Variants in WTIP observed in about 807,000 individuals in gnomAD.
WTIP encodes WT1 interacting protein.
WTIP carries 23 observed loss-of-function variants against 41.7 expected under a neutral mutation model. That is an observed-to-expected ratio of 0.55 (90% CI 0.40 to 0.78). The LOEUF is 0.78. Among genes scored for constraint, WTIP ranks in the 30% least tolerant of loss-of-function variants. The pLI is 0.00. For synonymous variants in WTIP, 314 were observed against 269.9 expected (o/e 1.16, Z -1.60); for missense variants, 619 against 610.5 (o/e 1.01, Z -0.15).
chr19:34,491,789 C>T (rs577017622), intron 2 of WTIP, among the ~76,000 whole-genome samples: 3 of 151,854 alleles, frequency 2.0e-5, no homozygotes, highest in East Asian at 1.9e-4. Context: ...GGACTATAGG[C>T]GCGCAACACC....
rs971174226 is a variant in WTIP at position 34,501,797 on chromosome 19, A to T, written c.*1528A>T. On this transcript the variant is annotated 3_prime_UTR_variant, in exon 8 of 8. Coordinates refer to ENST00000590071, the MANE Select transcript of WTIP (RefSeq NM_001080436.2). ...GTCAGGGAGCCTTAGCCAGGGACTT[A>T]CACAGCGTGGAGAGCGCTGCATCTT... The T allele has an allele frequency of 1.3e-5, 2 of 152,506 alleles. No individual in the cohort carries two copies. The highest frequency in any genetic ancestry group is 4.8e-5 in the African/African-American group (2 of 41,436). The allele number at this position is 152,506 out of a possible 1,614,324, so 9.4% of individuals were successfully genotyped here.
chr19:34,490,489 C>T lies in WTIP; in HGVS notation c.769+12C>T, dbSNP rs746144778. ...CTGCGACTCGTGTGGTAGGTAACCT[C>T]GTGCCCTGGGTAGCTCTGTGAAGGG... On this transcript the variant is annotated intron_variant, in intron 2 of 7. Transcript: ENST00000590071. The T allele has an allele frequency of 2.3e-5, 37 of 1,612,490 alleles. No homozygotes were observed. Among genetic ancestry groups the T allele is most frequent in the Non-Finnish European group, 2.7e-5 (32 of 1,178,734 alleles).
intron 7 of WTIP, among the ~76,000 whole-genome samples, chr19:34,499,546 A>G (rs549417592): frequency 6.6e-6 from 1 of 152,060 alleles, no homozygotes; most frequent in Admixed American, 6.5e-5. Context: ...CACCCAAACC[A>G]TCAGGTTTTT....
chr19:34,491,202 T>G (rs1373468277), intron 2 of WTIP, among the ~76,000 whole-genome samples: 1 of 152,024 alleles, frequency 6.6e-6, no homozygotes, highest in African/African-American at 2.4e-5. Flanking sequence ...GACAAAGTTA[T>G]AAAAAGAAAA....
chr19:34,482,300 G>A lies in WTIP; in HGVS notation c.326G>A (p.Gly109Asp). ...GGTGGCGGCAGCGCCCGATCCAGCG[G>A]CATCAGCCTGGGCTACGACCAGCGC... The part of the protein sequence containing the change: ...GGGGGSARSS[G>D]ISLGYDQRHG... Residue 109 changes from glycine to aspartate, a missense_variant, in exon 1 of 8, where the codon GGC (glycine) becomes GAC (aspartate). Gly to Asp is a moderately conservative substitution (Grantham distance 94). Transcript: ENST00000590071. 1.5e-6 allele frequency: 2 copies of A among 1,365,622 alleles called. No individual in the cohort carries two copies. The highest frequency in any genetic ancestry group is 1.9e-6 in the Non-Finnish European group (2 of 1,051,444). 84.6% of individuals were successfully genotyped at this position (1,365,622 alleles called of 1,614,324 possible). A position where few individuals can be genotyped will look rare whatever the true frequency, so the allele number is the denominator to read the frequency against.
At chr19:34,483,276 G>A (rs1330202082) in intron 1 of WTIP, among the ~76,000 whole-genome samples, 1 of 148,444 alleles carries the variant, frequency 6.7e-6, no homozygotes, top group Admixed American at 6.9e-5. Flanking sequence ...CGCCCTCCTC[G>A]GCCTCCCAAG....
intron 2 of WTIP, among the ~76,000 whole-genome samples, chr19:34,491,386 T>C (rs1177381078): frequency 6.6e-6 from 1 of 152,014 alleles, no homozygotes; most frequent in African/African-American, 2.4e-5. Context: ...TGTAGTGGTG[T>C]GATCTCAGCT....
chr19:34,506,534 G>C lies in WTIP; in HGVS notation c.*6265G>C, dbSNP rs2075911964. The C allele has an allele frequency of 6.7e-6, 1 of 150,330 alleles. No homozygotes were observed. Among genetic ancestry groups the C allele is most frequent in the African/African-American group, 2.4e-5 (1 of 40,848 alleles). 9.3% of individuals were successfully genotyped at this position (150,330 alleles called of 1,614,324 possible). A position where few individuals can be genotyped will look rare whatever the true frequency, so the allele number is the denominator to read the frequency against. On this transcript the variant is annotated 3_prime_UTR_variant, in exon 8 of 8. Coordinates refer to ENST00000590071, the MANE Select transcript of WTIP (RefSeq NM_001080436.2). ...CACTTTGGGAGGCCGTGGCGGATAG[G>C]TCACTTGAGGTCAGGAGTTCGAGAC...
At position 34,482,182 on chromosome 19, in the gene WTIP, G is replaced by A. The variant is rs150721734; in HGVS notation, c.208G>A (p.Glu70Lys). ...CGGGGCGGACGGACTGAGCCGCGGG[G>A]AGCGGGGTCCCCGGCGCGCGGCGGT... ...EAGADGLSRG[E>K]RGPRRAAVPE... The change falls in exon 1 of 8, where the codon GAG (glutamate) becomes AAG (lysine). Residue 70 changes from glutamate to lysine, a missense_variant. By Grantham distance (56) the Glu-to-Lys change is moderately conservative (BLOSUM62 1). Transcript: ENST00000590071. The A allele has an allele frequency of 0.065, 71,357 of 1,098,168 alleles. 2,545 individuals are homozygous for A. The highest frequency in any genetic ancestry group is 0.12 in the South Asian group (2,706 of 23,254). 68.0% of individuals were successfully genotyped at this position (1,098,168 alleles called of 1,614,324 possible).
chr19:34,485,527 G>A (rs1268539590), intron 1 of WTIP, among the ~76,000 whole-genome samples: 1 of 152,140 alleles, frequency 6.6e-6, no homozygotes, highest in Admixed American at 6.6e-5. Flanking sequence ...AAAATCTGCA[G>A]GTAGCATAAG....
chr19:34,494,766 C>A, intron 6 of WTIP, 129 bp downstream of exon 6: 1 of 917,900 alleles, frequency 1.1e-6, no homozygotes, highest in Non-Finnish European at 1.6e-6. Context: ...GCAGATCTTT[C>A]AGGGCTGAGG....
At chr19:34,491,361 A>G (rs1443753539) in intron 2 of WTIP, among the ~76,000 whole-genome samples, 3 of 151,078 alleles carry the variant, frequency 2.0e-5, no homozygotes, top group African/African-American at 7.3e-5. Context: ...GTCTCGCTCT[A>G]TTGCCAGACT....
chr19:34,500,358 C>A lies in WTIP; in HGVS notation c.*89C>A. ...GGCCCTGGTCAGCGTCAGGGGAGCT[C>A]CCTCCAATCAGTTTCCCACCGAGCT... On this transcript the variant is annotated 3_prime_UTR_variant, in exon 8 of 8. Transcript: ENST00000590071. 7.1e-7 allele frequency: 1 copy of A among 1,405,350 alleles called. No homozygotes were observed. The allele number at this position is 1,405,350 out of a possible 1,614,324, so 87.1% of individuals were successfully genotyped here.
rs1599973573 is a variant in WTIP at position 34,506,724 on chromosome 19, C to A, written c.*6455C>A. On this transcript the variant is annotated 3_prime_UTR_variant, in exon 8 of 8. Coordinates refer to ENST00000590071, the MANE Select transcript of WTIP (RefSeq NM_001080436.2). ...GCAGTGAGCCGAGTTCACACCACTG[C>A]ACTCCAGCCTGGGTGACAGAGCTAG... 1 of 151,946 alleles carries A rather than the reference C, an allele frequency of 6.6e-6. No individual in the cohort carries two copies. The highest frequency in any genetic ancestry group is 1.5e-5 in the Non-Finnish European group (1 of 68,012). The allele number at this position is 151,946 out of a possible 1,614,324, so 9.4% of individuals were successfully genotyped here. A position where few individuals can be genotyped will look rare whatever the true frequency, so the allele number is the denominator to read the frequency against.
chr19:34,482,366 G>A lies in WTIP; in HGVS notation c.392G>A (p.Gly131Asp), dbSNP rs1681627000. ...TCCGGTCGCTCGGACCCGCGTCCCGGTCCCGGGCCGCCTTCGGTGGGCAGC... is the reference window on the plus strand; with the variant it reads ...TCCGGTCGCTCGGACCCGCGTCCCGATCCCGGGCCGCCTTCGGTGGGCAGC... ...PRSGRSDPRP[G>D]PGPPSVGSAR... Residue 131 changes from glycine to aspartate, a missense_variant, in exon 1 of 8, where the codon GGT (glycine) becomes GAT (aspartate). Gly to Asp is a moderately conservative substitution (Grantham distance 94). This residue lies in a region of WTIP where 363 missense variants were observed against 309.0 expected (regional missense o/e 1.17). Transcript: ENST00000590071. 1.5e-6 allele frequency: 2 copies of A among 1,376,130 alleles called. No homozygotes were observed. Among genetic ancestry groups the A allele is most frequent in the South Asian group, 1.5e-5 (1 of 68,208 alleles). 85.2% of individuals were successfully genotyped at this position (1,376,130 alleles called of 1,614,324 possible).
At chr19:34,489,197 TAAAAAAAAA>T (rs57433723) in intron 1 of WTIP, among the ~76,000 whole-genome samples, 2 of 61,964 alleles carry the variant, frequency 3.2e-5, no homozygotes, top group African/African-American at 1.5e-4. Context: ...AGACTCTATC[TAAAAAAAAA>T]AAAAAAAAAA....
Position 34,503,312 on chromosome 19 carries a change from C to T in WTIP, c.*3043C>T, listed in dbSNP as rs1004096090. 1 of 136,074 alleles carries T rather than the reference C, an allele frequency of 7.3e-6. No homozygotes were observed. Among genetic ancestry groups the T allele is most frequent in the East Asian group, 2.4e-4 (1 of 4,102 alleles). 8.4% of individuals were successfully genotyped at this position (136,074 alleles called of 1,614,324 possible). On this transcript the variant is annotated 3_prime_UTR_variant, in exon 8 of 8. Transcript: ENST00000590071. ...GGCAGTTCCCTCCGTGGGAGCCACT[C>T]TCCCGGGGTTTCTTCCTCTATGAAG... is the stretch of plus-strand genomic sequence containing the variant.
chr19:34,487,169 A>G (rs915691102), intron 1 of WTIP, among the ~76,000 whole-genome samples: 4 of 131,264 alleles, frequency 3.0e-5, no homozygotes, highest in Non-Finnish European at 6.2e-5. Context: ...CAGTGGTGTG[A>G]TCTCGGCTCA....
intron 1 of WTIP, among the ~76,000 whole-genome samples, chr19:34,490,129 G>A (rs1366386888): frequency 6.6e-6 from 1 of 152,210 alleles, no homozygotes; most frequent in Non-Finnish European, 1.5e-5. Flanking sequence ...GGACAGCTTT[G>A]ATTAGCTCCG....
Sources: allele counts gnomAD v4.1 joint callset (sites outside exome capture counted in the v4.1 genomes callset), GRCh38; gene constraint gnomAD v4.1.1; regional missense constraint gnomAD v4.1.1; transcripts MANE v1.5; gene names NCBI Gene and HGNC (gene_info 2026-07-23, HGNC 2026-07-21).